Variants in GPC6 observed in about 807,000 individuals in gnomAD.
The protein encoded by GPC6 is glypican 6.
GPC6 carries 14 observed loss-of-function variants against 55.2 expected under a neutral mutation model. The observed-to-expected ratio is 0.25, with a 90% CI of 0.17 to 0.40. GPC6 has a LOEUF of 0.40. GPC6 is among the 10% of genes least tolerant of loss of function. The pLI is 1.00. For missense variants in GPC6, 641 were observed against 708.5 expected, an observed-to-expected ratio of 0.90 and a Z score of 1.08; for synonymous variants, 278 against 259.6, an observed-to-expected ratio of 1.07 and a Z score of -0.68.
At chr13:93,367,525 G>A (rs1216216267) in intron 1 of GPC6, among the ~76,000 whole-genome samples, 1 of 151,808 alleles carries the variant, frequency 6.6e-6, no homozygotes, top group Non-Finnish European at 1.5e-5. Context: ...TTTTGAAGTG[G>A]GTGCTTAGAT....
At chr13:93,892,599 AT>A (rs1199872954) in intron 3 of GPC6, among the ~76,000 whole-genome samples, 3 of 152,186 alleles carry the variant, frequency 2.0e-5, no homozygotes, top group African/African-American at 4.8e-5. Flanking sequence ...TGCAATCAAT[AT>A]TTTTTTGCAT....
chr13:94,288,954 T>TAGATAG lies in GPC6; in HGVS notation c.1008+2476_1008+2477insGATAGA, dbSNP rs1193101187. The stretch of plus-strand genomic sequence containing the variant: ...ATATAGATAGATAGATAGATAGATA[T>TAGATAG]ATAGATAGATAGATAGATAATATAT... On this transcript the variant is annotated intron_variant, in intron 5 of 8. Coordinates refer to ENST00000377047, the MANE Select transcript of GPC6 (RefSeq NM_005708.5). 6.8e-4 allele frequency among the ~76,000 whole-genome samples: 63 copies of TAGATAG among 92,622 alleles called. 1 individual carries two copies. Among genetic ancestry groups the TAGATAG allele is most frequent in the Middle Eastern group, 5.6e-3 (1 of 178 alleles). The allele number at this position is 92,622 out of a possible 152,430, so 60.8% of individuals were successfully genotyped here. A position where few individuals can be genotyped will look rare whatever the true frequency, so the allele number is the denominator to read the frequency against.
chr13:93,618,984 TG>T (rs1187689797), intron 2 of GPC6, among the ~76,000 whole-genome samples: 1 of 152,162 alleles, frequency 6.6e-6, no homozygotes, highest in African/African-American at 2.4e-5. Flanking sequence ...TCTACAAACT[TG>T]TACAGCATGT....
rs181605843 is a variant in GPC6 at position 93,892,715 on chromosome 13, T to C, written c.711+62170T>C. On this transcript the variant is annotated intron_variant, in intron 3 of 8. Transcript: ENST00000377047. ...CACAGATAAATACAAAAGAATTCAC[T>C]CTTCTGTAATCTGCTTTCTTCACTC... 5.3e-3 allele frequency among the ~76,000 whole-genome samples: 813 copies of C among 152,260 alleles called. 6 individuals are homozygous for C. The highest frequency in any genetic ancestry group is 8.2e-3 in the Admixed American group (126 of 15,282).
At chr13:93,802,531 A>G (rs898032151) in intron 2 of GPC6, among the ~76,000 whole-genome samples, 4 of 152,008 alleles carry the variant, frequency 2.6e-5, no homozygotes, top group African/African-American at 9.7e-5. Context: ...CCAAGTAGCT[A>G]GGATTAAAGG....
chr13:93,593,682 T>G (rs1171408218), intron 2 of GPC6, among the ~76,000 whole-genome samples: 1 of 152,126 alleles, frequency 6.6e-6, no homozygotes, highest in Non-Finnish European at 1.5e-5. Flanking sequence ...TATTGAATAC[T>G]CTTTGAACTC....
At chr13:93,935,314 A>G (rs1357708181) in intron 3 of GPC6, among the ~76,000 whole-genome samples, 1 of 152,052 alleles carries the variant, frequency 6.6e-6, no homozygotes, top group Non-Finnish European at 1.5e-5. Flanking sequence ...CCATCTTTAT[A>G]TAGGTACTTA....
intron 4 of GPC6, among the ~76,000 whole-genome samples, chr13:94,224,816 A>G (rs1890496131): frequency 6.6e-6 from 1 of 152,128 alleles, no homozygotes; most frequent in South Asian, 2.1e-4. Context: ...GAACTGTTGC[A>G]CGACCTTTGT....
At chr13:93,972,152 G>A (rs1170596990) in intron 3 of GPC6, among the ~76,000 whole-genome samples, 1 of 152,148 alleles carries the variant, frequency 6.6e-6, no homozygotes, top group Non-Finnish European at 1.5e-5. Flanking sequence ...AAGCCTGGCA[G>A]CAAAATGGTA....
chr13:94,307,915 C>T (rs1555318087), intron 6 of GPC6, among the ~76,000 whole-genome samples: 1 of 151,930 alleles, frequency 6.6e-6, no homozygotes, highest in Admixed American at 6.6e-5. Flanking sequence ...AATTTAAGAA[C>T]AGGAGTACAG....
intron 1 of GPC6, among the ~76,000 whole-genome samples, chr13:93,297,039 C>A (rs1214253087): frequency 6.6e-6 from 1 of 152,108 alleles, no homozygotes; most frequent in African/African-American, 2.4e-5. Flanking sequence ...AGACAGTGAG[C>A]CCCTGTCCTT....
intron 6 of GPC6, among the ~76,000 whole-genome samples, chr13:94,334,307 G>T (rs573624840): frequency 2.0e-5 from 3 of 152,204 alleles, no homozygotes; most frequent in African/African-American, 7.2e-5. Flanking sequence ...ACCACTGTTT[G>T]CTGGCTCCTG....
chr13:93,358,318 C>T (rs914583093), intron 1 of GPC6, among the ~76,000 whole-genome samples: 8 of 151,884 alleles, frequency 5.3e-5, no homozygotes, highest in South Asian at 2.1e-4. Context: ...CCAGCCTGGG[C>T]GACAGAGTAA....
chr13:93,453,929 T>G (rs2999497), intron 1 of GPC6, among the ~76,000 whole-genome samples: 27,487 of 151,964 alleles, frequency 0.18, 2,994 homozygotes, highest in East Asian at 0.47. Flanking sequence ...CTGCTTTTAT[T>G]CTTTTATCTG....
chr13:93,405,558 G>A (rs538069268), intron 1 of GPC6, among the ~76,000 whole-genome samples: 3 of 152,212 alleles, frequency 2.0e-5, no homozygotes, highest in South Asian at 4.2e-4. Context: ...GCACACTGGG[G>A]TGCATTTCCT....
intron 4 of GPC6, among the ~76,000 whole-genome samples, chr13:94,178,742 A>G (rs949646692): frequency 1.3e-5 from 2 of 152,200 alleles, no homozygotes; most frequent in Admixed American, 1.3e-4. Flanking sequence ...AACTCTGATC[A>G]GCAGTTCTCA....
intron 3 of GPC6, among the ~76,000 whole-genome samples, chr13:93,994,521 T>G (rs901900995): frequency 6.6e-6 from 1 of 152,214 alleles, no homozygotes; most frequent in African/African-American, 2.4e-5. Flanking sequence ...GCTCATTGCT[T>G]ATTCTAAAAG....
At chr13:93,672,674 C>G (rs1881418038) in intron 2 of GPC6, among the ~76,000 whole-genome samples, 1 of 150,250 alleles carries the variant, frequency 6.7e-6, no homozygotes, top group Admixed American at 6.7e-5. Context: ...TATATACACA[C>G]ACAAACATAT....
intron 1 of GPC6, among the ~76,000 whole-genome samples, chr13:93,465,518 A>T (rs1229060666): frequency 1.3e-5 from 2 of 152,160 alleles, no homozygotes; most frequent in African/African-American, 4.8e-5. Context: ...CCTTTGCTAG[A>T]TTCAAACTTT....
Sources: gnomAD v4.1 joint callset for allele counts (sites outside exome capture counted in the v4.1 genomes callset) on GRCh38, gnomAD v4.1.1 for gene constraint, MANE v1.5 for transcripts, NCBI Gene and HGNC (gene_info 2026-07-23, HGNC 2026-07-21) for gene names.